The following FAM120C variants were observed in gnomAD, a reference collection of about 807,000 sequenced individuals.
The protein encoded by FAM120C is constitutive coactivator of PPAR-gamma-like protein 2.
A neutral mutation model predicts 71.2 loss-of-function variants in FAM120C; 14 were observed. The observed-to-expected ratio is 0.20, with a 90% CI of 0.13 to 0.31. The LOEUF (loss-of-function observed/expected upper bound fraction) is 0.31, where lower values mean the gene tolerates loss of function less well. FAM120C is among the 10% of genes least tolerant of loss of function. The probability of loss-of-function intolerance (pLI) is 1.00; values close to 1 mark genes in which losing one functional copy is unlikely to be tolerated. For synonymous variants in FAM120C, 354 were observed against 353.2 expected (o/e 1.00, Z -0.03); for missense variants, 500 against 879.0 (o/e 0.57, Z 5.45).
intron 10 of FAM120C, among the ~76,000 whole-genome samples, chrX:54,102,236 A>C (rs112394682): frequency 0.16 from 16,148 of 103,704 alleles, 2,312 homozygotes; most frequent in African/African-American, 0.46. Context: ...TATGTTGCCC[A>C]AGCTGGTCTT....
chrX:54,136,994 C>A (rs1386713512), intron 4 of FAM120C, among the ~76,000 whole-genome samples: 3 of 109,356 alleles, frequency 2.7e-5, no homozygotes, highest in African/African-American at 1.0e-4. Flanking sequence ...GCTCTGTCGC[C>A]CAGGCTAGAG....
At chrX:54,161,812 A>G (rs781943632) in intron 1 of FAM120C, among the ~76,000 whole-genome samples, 2 of 111,940 alleles carry the variant, frequency 1.8e-5, no homozygotes, top group East Asian at 5.7e-4. Flanking sequence ...TTGTATTTTT[A>G]GTAGAGACGG....
At chrX:54,160,584 A>G (rs1158025350) in intron 1 of FAM120C, among the ~76,000 whole-genome samples, 2 of 111,743 alleles carry the variant, frequency 1.8e-5, no homozygotes, top group African/African-American at 6.5e-5. Context: ...TACTTGAAGT[A>G]TACTGAAATT....
chrX:54,174,125 C>T, intron 1 of FAM120C: 3 of 513,648 alleles, frequency 5.8e-6, no homozygotes, highest in Non-Finnish European at 1.0e-5. Context: ...CTCCATAGGG[C>T]AGCTCACAAC....
intron 9 of FAM120C, among the ~76,000 whole-genome samples, chrX:54,131,956 G>A (rs1336422939): frequency 9.4e-6 from 1 of 106,389 alleles, no homozygotes; most frequent in African/African-American, 3.5e-5. Context: ...GTTTCACTGG[G>A]TTAGCCAGGA....
At chrX:54,079,301 G>C (rs1002665975) in intron 15 of FAM120C, among the ~76,000 whole-genome samples, 2 of 109,378 alleles carry the variant, frequency 1.8e-5, no homozygotes, top group African/African-American at 3.3e-5. Context: ...TTAGCAGGGT[G>C]TGGTGGCACA....
At chrX:54,107,602 C>T (rs2066913867) in intron 10 of FAM120C, among the ~76,000 whole-genome samples, 1 of 106,267 alleles carries the variant, frequency 9.4e-6, no homozygotes, top group Non-Finnish European at 1.9e-5. Context: ...TCACTGCAAC[C>T]TCTGCCTCCC....
intron 10 of FAM120C, among the ~76,000 whole-genome samples, chrX:54,115,679 T>C (rs1569532304): frequency 8.9e-6 from 1 of 111,872 alleles, no homozygotes; most frequent in Non-Finnish European, 1.9e-5. Flanking sequence ...ACTAAAGAAC[T>C]GGAAACAATT....
chrX:54,144,115 C>A (rs2067141953), intron 4 of FAM120C, among the ~76,000 whole-genome samples: 1 of 111,603 alleles, frequency 9.0e-6, no homozygotes, highest in Non-Finnish European at 1.9e-5. Flanking sequence ...ACTCAACAGC[C>A]CTTCATGCTA....
rs1321774712 is a variant in FAM120C at position 54,101,930 on chromosome X, C to G, written c.2313-10504G>C. On this transcript the variant is annotated intron_variant, in intron 10 of 15. Transcript: ENST00000375180. ...TCTTGGTGTTTTGTAGCCTGCTCCT[C>G]CAAATTCTTGCAGCCTCTGCTTATT... Among the ~76,000 whole-genome samples, 5 of 111,906 alleles carry G rather than the reference C, an allele frequency of 4.5e-5. No homozygotes were observed. The East Asian group carries it at 1.4e-3, about 31-fold the overall frequency.
intron 15 of FAM120C, among the ~76,000 whole-genome samples, chrX:54,075,668 G>A (rs1013217778): frequency 1.8e-5 from 2 of 108,920 alleles, no homozygotes; most frequent in South Asian, 4.0e-4. Context: ...GCGTGGTAGC[G>A]GGCGCCTGTA....
intron 11 of FAM120C, among the ~76,000 whole-genome samples, chrX:54,088,649 T>C (rs1258183714): frequency 9.8e-6 from 1 of 101,751 alleles, no homozygotes; most frequent in Non-Finnish European, 2.0e-5. Context: ...TTAAGCAATA[T>C]GTATGAAGAA....
chrX:54,159,291 T>C, intron 2 of FAM120C, 79 bp downstream of exon 2: 1 of 1,115,179 alleles, frequency 9.0e-7, no homozygotes, highest in Non-Finnish European at 1.2e-6. Flanking sequence ...GATGACAGGC[T>C]AAATCACTCT....
At chrX:54,129,544 C>T (rs1313138884) in intron 9 of FAM120C, among the ~76,000 whole-genome samples, 3 of 108,488 alleles carry the variant, frequency 2.8e-5, no homozygotes, top group African/African-American at 1.0e-4. Flanking sequence ...GACTGGGCAG[C>T]CAGGCAGAGG....
At chrX:54,180,702 T>C (rs1354947925) in intron 1 of FAM120C, among the ~76,000 whole-genome samples, 2 of 112,018 alleles carry the variant, frequency 1.8e-5, no homozygotes, top group East Asian at 5.6e-4. Flanking sequence ...GCCCTGCCAC[T>C]TATCTCTGGG....
At chrX:54,125,591 C>T (rs2067023201) in intron 9 of FAM120C, among the ~76,000 whole-genome samples, 1 of 113,194 alleles carries the variant, frequency 8.8e-6, no homozygotes, top group Non-Finnish European at 1.9e-5. Context: ...CAAGCGTGAG[C>T]GGCCATGCCT....
intron 10 of FAM120C, among the ~76,000 whole-genome samples, chrX:54,107,089 T>C (rs782379162): frequency 9.1e-6 from 1 of 110,053 alleles, no homozygotes; most frequent in African/African-American, 3.3e-5. Context: ...TTATATGTAT[T>C]TTGTTTGTTT....
chrX:54,068,760 T>C lies in FAM120C; in HGVS notation c.*4273A>G, dbSNP rs1557119782. On this transcript the variant is annotated 3_prime_UTR_variant, in exon 16 of 16. Coordinates refer to ENST00000375180, the MANE Select transcript of FAM120C (RefSeq NM_017848.6). ...TAAAGTTTCTTTACCTAGTGTGTTA[T>C]TCTAAAAACAGAATAGAACAGAATA... is the stretch of plus-strand genomic sequence containing the variant. The C allele has an allele frequency of 9.5e-6, 1 of 105,228 alleles. No homozygotes were observed. 8.7% of individuals were successfully genotyped at this position (105,228 alleles called of 1,213,427 possible).
chrX:54,076,714 C>T (rs1557120720), intron 15 of FAM120C, among the ~76,000 whole-genome samples: 2 of 111,828 alleles, frequency 1.8e-5, no homozygotes, highest in Admixed American at 9.6e-5. Flanking sequence ...GTATCTACTT[C>T]GTAGGTTCCT....
Sources: allele counts gnomAD v4.1 joint callset (sites outside exome capture counted in the v4.1 genomes callset), GRCh38; gene constraint gnomAD v4.1.1; transcripts MANE v1.5; gene names NCBI Gene and HGNC (gene_info 2026-07-23, HGNC 2026-07-21).